Variants in ADGRL4 observed in about 807,000 individuals in gnomAD.
ADGRL4 encodes adhesion G protein-coupled receptor L4.
A neutral mutation model predicts 74.8 loss-of-function variants in ADGRL4; 90 were observed. That is an observed-to-expected ratio of 1.20 (90% CI 1.02 to 1.43). ADGRL4 has a LOEUF of 1.43. Ranked by LOEUF, ADGRL4 falls within the 40% of genes most tolerant of loss-of-function variation. The pLI is 0.00. For synonymous variants in ADGRL4, 311 were observed against 279.2 expected, an observed-to-expected ratio of 1.11 and a Z score of -1.14; for missense variants, 881 against 814.3, an observed-to-expected ratio of 1.08 and a Z score of -1.00.
intron 3 of ADGRL4, among the ~76,000 whole-genome samples, chr1:78,945,984 CACTAT>C (rs776386861): frequency 6.6e-6 from 1 of 151,786 alleles, no homozygotes; most frequent in Non-Finnish European, 1.5e-5. Flanking sequence ...TGTTGTTTGC[CACTAT>C]ACTAGATCTC....
intron 12 of ADGRL4, among the ~76,000 whole-genome samples, chr1:78,907,689 T>C (rs1398703104): frequency 1.3e-5 from 2 of 151,866 alleles, no homozygotes; most frequent in Non-Finnish European, 2.9e-5. Context: ...GGTAACTAGA[T>C]GGAGGTATAA....
intron 6 of ADGRL4, among the ~76,000 whole-genome samples, chr1:78,936,696 T>G (rs1649362879): frequency 6.6e-6 from 1 of 152,182 alleles, no homozygotes; most frequent in Non-Finnish European, 1.5e-5. Context: ...AAATTATAAT[T>G]ACTAAAGCAA....
At chr1:78,980,216 G>A (rs892229518) in intron 2 of ADGRL4, among the ~76,000 whole-genome samples, 3 of 151,248 alleles carry the variant, frequency 2.0e-5, no homozygotes, top group Non-Finnish European at 4.4e-5. Flanking sequence ...CAGTTTGGGT[G>A]GTATTCCCTA....
At chr1:78,924,248 G>C (rs530930455) in intron 8 of ADGRL4, among the ~76,000 whole-genome samples, 2 of 152,056 alleles carry the variant, frequency 1.3e-5, no homozygotes, top group South Asian at 2.1e-4. Context: ...ACTAATATAA[G>C]GGTAAGGTAG....
chr1:78,903,491 G>A (rs1214720212), intron 12 of ADGRL4, among the ~76,000 whole-genome samples: 2 of 152,084 alleles, frequency 1.3e-5, no homozygotes, highest in East Asian at 3.9e-4. Context: ...TGATTAAATG[G>A]TATTACAAAA....
intron 12 of ADGRL4, among the ~76,000 whole-genome samples, chr1:78,902,739 A>C (rs1056889075): frequency 2.0e-5 from 3 of 152,212 alleles, no homozygotes; most frequent in African/African-American, 7.2e-5. Context: ...TACTATGGTT[A>C]ACTATTTGGC....
chr1:78,902,115 T>C (rs1353126142), intron 12 of ADGRL4, among the ~76,000 whole-genome samples: 5 of 152,252 alleles, frequency 3.3e-5, no homozygotes. Context: ...ATTTATACTT[T>C]AGAAAACAGC....
intron 2 of ADGRL4, among the ~76,000 whole-genome samples, chr1:78,975,118 A>G (rs1009164696): frequency 6.6e-6 from 1 of 152,114 alleles, no homozygotes; most frequent in African/African-American, 2.4e-5. Context: ...AATGTGGAGA[A>G]ATTCACTTTC....
intron 2 of ADGRL4, among the ~76,000 whole-genome samples, chr1:78,971,810 G>A (rs920389281): frequency 1.3e-5 from 2 of 152,168 alleles, no homozygotes; most frequent in East Asian, 1.9e-4. Flanking sequence ...AGGCTGGAGT[G>A]CAGTGGTACG....
At chr1:78,962,250 C>T (rs146637191) in intron 2 of ADGRL4, among the ~76,000 whole-genome samples, 132 of 152,276 alleles carry the variant, frequency 8.7e-4, no homozygotes, top group African/African-American at 3.0e-3. Context: ...TTTTGTCCTT[C>T]TCCTTAGTGA....
chr1:78,981,926 C>T (rs1253300048), intron 2 of ADGRL4, among the ~76,000 whole-genome samples: 1 of 151,574 alleles, frequency 6.6e-6, no homozygotes, highest in Admixed American at 6.6e-5. Context: ...AATTCATTTT[C>T]AACTTCACTT....
At chr1:78,963,965 G>A (rs1650005251) in intron 2 of ADGRL4, among the ~76,000 whole-genome samples, 1 of 152,064 alleles carries the variant, frequency 6.6e-6, no homozygotes, top group Non-Finnish European at 1.5e-5. Flanking sequence ...TTGCCTAAAG[G>A]GTCAGTTAGA....
At chr1:78,931,595 G>T (rs527593939) in intron 7 of ADGRL4, among the ~76,000 whole-genome samples, 11 of 151,382 alleles carry the variant, frequency 7.3e-5, no homozygotes, top group Admixed American at 6.6e-4. Context: ...AACCTTAAGT[G>T]TAAGTAGGCT....
At chr1:78,940,979 A>T (rs563129443) in intron 3 of ADGRL4, among the ~76,000 whole-genome samples, 2 of 152,320 alleles carry the variant, frequency 1.3e-5, no homozygotes, top group Admixed American at 6.5e-5. Flanking sequence ...GCCCAGGCCT[A>T]AAAGGTTAGA....
intron 7 of ADGRL4, among the ~76,000 whole-genome samples, chr1:78,934,902 C>G (rs923366756): frequency 6.6e-6 from 1 of 152,098 alleles, no homozygotes; most frequent in Non-Finnish European, 1.5e-5. Flanking sequence ...AGTCAAGAAA[C>G]AATAGATGCT....
chr1:78,893,173 A>G lies in ADGRL4; in HGVS notation c.1766T>C (p.Phe589Ser). 1 of 1,601,090 alleles carries G rather than the reference A, an allele frequency of 6.2e-7. No homozygotes were observed. The highest frequency in any genetic ancestry group is 8.5e-7 in the Non-Finnish European group (1 of 1,174,026). Reference sequence around the variant, plus strand: ...AAAAACTTTGTATATGATGACTCCAAAAGCCAAGAGATTAACCTGGAAAAA... The same window carrying G: ...AAAAACTTTGTATATGATGACTCCAGAAGCCAAGAGATTAACCTGGAAAAA... ...CLIILVNLLA[F>S]GVIIYKVFRH... The change falls in exon 13 of 15, where the codon TTT (phenylalanine) becomes TCT (serine). Residue 589 changes from phenylalanine to serine, a missense_variant. Transcript: ENST00000370742.
intron 2 of ADGRL4, among the ~76,000 whole-genome samples, chr1:78,970,183 TC>T (rs35429902): frequency 6.6e-6 from 1 of 152,164 alleles, no homozygotes; most frequent in Admixed American, 6.5e-5. Flanking sequence ...ATGCAACTCC[TC>T]CCCCAAGACA....
intron 2 of ADGRL4, among the ~76,000 whole-genome samples, chr1:78,957,014 A>C (rs1480814711): frequency 2.0e-5 from 3 of 152,100 alleles, no homozygotes; most frequent in Admixed American, 1.3e-4. Context: ...TTTCATGATC[A>C]CTATACTAGT....
chr1:78,933,293 G>A (rs543331720), intron 7 of ADGRL4, among the ~76,000 whole-genome samples: 1 of 151,450 alleles, frequency 6.6e-6, no homozygotes, highest in South Asian at 2.1e-4. Context: ...ATCAATAAAT[G>A]TAATCCATCA....
Sources: gnomAD v4.1 joint callset for allele counts (sites outside exome capture counted in the v4.1 genomes callset) on GRCh38, gnomAD v4.1.1 for gene constraint, MANE v1.5 for transcripts, NCBI Gene and HGNC (gene_info 2026-07-23, HGNC 2026-07-21) for gene names.